SNCAIP: variants seen among roughly 807,000 people sequenced by gnomAD.
SNCAIP encodes the protein synuclein alpha interacting protein.
In SNCAIP, 43 loss-of-function variants were observed where a neutral mutation model predicts 86.7. That is an observed-to-expected ratio of 0.50 (90% CI 0.39 to 0.64). The LOEUF is 0.64. Ranked by LOEUF, SNCAIP falls within the 30% of genes least tolerant of loss-of-function variation. The pLI, the probability that SNCAIP is intolerant of heterozygous loss-of-function variation, is 0.00. For missense variants in SNCAIP, 981 were observed against 1,103.1 expected (o/e 0.89, Z 1.57); for synonymous variants, 417 against 427.2 (o/e 0.98, Z 0.29).
At chr5:122,450,412 C>A in intron 9 of SNCAIP, 121 bp from the exon 10 acceptor site, 1 of 799,878 alleles carries the variant, frequency 1.3e-6, no homozygotes, top group Non-Finnish European at 2.2e-6. Context: ...AAATTATGTA[C>A]TTATCTGTAT....
intron 1 of SNCAIP, among the ~76,000 whole-genome samples, chr5:122,346,532 C>T (rs1295875633): frequency 6.6e-6 from 1 of 151,800 alleles, no homozygotes; most frequent in African/African-American, 2.4e-5. Context: ...TTTGCAAAAG[C>T]GAAATAAAAC....
At chr5:122,445,855 A>G (rs1354616375) in intron 8 of SNCAIP, among the ~76,000 whole-genome samples, 2 of 151,748 alleles carry the variant, frequency 1.3e-5, no homozygotes, top group Non-Finnish European at 2.9e-5. Flanking sequence ...AAGCTTAGGG[A>G]AATGTCCCTT....
At chr5:122,458,776 C>T (rs902323981) in intron 10 of SNCAIP, among the ~76,000 whole-genome samples, 1 of 152,182 alleles carries the variant, frequency 6.6e-6, no homozygotes, top group African/African-American at 2.4e-5. Context: ...TCAGGGAGAT[C>T]ATAATCAAGA....
In SNCAIP at chr5:122,444,651, T is replaced by C; in HGVS notation, c.1511T>C (p.Leu504Pro). Residue 504 changes from leucine (L) to proline (P), a missense_variant, in exon 8 of 11, where the codon CTG becomes CCG. Physicochemically the swap from Leu to Pro is moderately conservative, Grantham distance 98. Coordinates refer to ENST00000261368, the MANE Select transcript of SNCAIP (RefSeq NM_005460.4). Reference sequence around the variant, plus strand: ...AGCGCCGAGCGGCAGGGGCACACCCTGTGCTCCAGGTACCTGGTGGTGGTG... The same window carrying C: ...AGCGCCGAGCGGCAGGGGCACACCCCGTGCTCCAGGTACCTGGTGGTGGTG... ...SQSAERQGHT[L>P]CSRYLVVVET... The C allele has an allele frequency of 1.2e-6, 2 of 1,614,070 alleles. No individual in the cohort carries two copies. Among genetic ancestry groups the C allele is most frequent in the Non-Finnish European group, 8.5e-7 (1 of 1,179,912 alleles).
intron 1 of SNCAIP, among the ~76,000 whole-genome samples, chr5:122,366,770 G>A (rs981345283): frequency 4.6e-5 from 7 of 152,072 alleles, no homozygotes; most frequent in East Asian, 1.9e-4. Flanking sequence ...ACGGAGTTGC[G>A]GCCATCTTCC....
At chr5:122,414,333 C>A (rs749672505) in intron 3 of SNCAIP, among the ~76,000 whole-genome samples, 3 of 151,368 alleles carry the variant, frequency 2.0e-5, no homozygotes, top group African/African-American at 7.3e-5. Context: ...CAAGTTCAAG[C>A]GATTCTCCTG....
intron 1 of SNCAIP, among the ~76,000 whole-genome samples, chr5:122,366,830 GCC>G (rs1429826111): frequency 6.6e-6 from 1 of 152,120 alleles, no homozygotes; most frequent in African/African-American, 2.4e-5. Flanking sequence ...GAAGTGGCAA[GCC>G]CATATTTGTA....
At chr5:122,389,479 CAGT>C (rs1768884166) in intron 1 of SNCAIP, 1 of 152,178 alleles carries the variant, frequency 6.6e-6, no homozygotes. Flanking sequence ...GAATCCATCA[CAGT>C]AGGAGAGAAT....
intron 7 of SNCAIP, chr5:122,443,954 T>C (rs1030392155): frequency 2.5e-6 from 1 of 402,094 alleles, no homozygotes; most frequent in Non-Finnish European, 4.9e-6. Context: ...AAAGAGGTGA[T>C]AAGAAGCTCA....
At chr5:122,348,709 A>G (rs1759145438) in intron 1 of SNCAIP, among the ~76,000 whole-genome samples, 1 of 152,158 alleles carries the variant, frequency 6.6e-6, no homozygotes. Flanking sequence ...AATTGGACCA[A>G]TGAACAATTG....
chr5:122,324,296 A>G (rs187465808), intron 1 of SNCAIP, among the ~76,000 whole-genome samples: 51 of 152,278 alleles, frequency 3.3e-4, no homozygotes, highest in Admixed American at 2.4e-3. Context: ...ACCTGGATAG[A>G]ATTAGGGAAG....
chr5:122,331,422 C>G (rs1056469606), intron 1 of SNCAIP, among the ~76,000 whole-genome samples: 3 of 152,116 alleles, frequency 2.0e-5, no homozygotes, highest in Admixed American at 1.3e-4. Context: ...TATAATTAGT[C>G]TCTACATATT....
chr5:122,391,186 A>G lies in SNCAIP; in HGVS notation c.52A>G (p.Ile18Val). The G allele has an allele frequency of 6.2e-7, 1 of 1,603,684 alleles. No homozygotes were observed. Among genetic ancestry groups the G allele is most frequent in the Non-Finnish European group, 8.5e-7 (1 of 1,170,588 alleles). Residue 18 changes from isoleucine to valine, a missense_variant, in exon 2 of 11, where the codon ATA becomes GTA. By Grantham distance (29) the Ile-to-Val change is conservative. Transcript: ENST00000261368. ...DLDEIDFSDD[I>V]SYSVTSLKTI... ...GGATGAAATTGACTTTAGTGATGACATATCTGTAAGTACCACTGTATACAA... is the reference window on the plus strand; with the variant it reads ...GGATGAAATTGACTTTAGTGATGACGTATCTGTAAGTACCACTGTATACAA...
chr5:122,312,911 T>A (rs1471318104), intron 1 of SNCAIP: 1 of 152,222 alleles, frequency 6.6e-6, no homozygotes, highest in Non-Finnish European at 1.5e-5. Context: ...ATGACTTTCA[T>A]CTGCAGGTGG....
chr5:122,380,832 T>G (rs1187570763), intron 1 of SNCAIP, among the ~76,000 whole-genome samples: 3 of 152,208 alleles, frequency 2.0e-5, no homozygotes, highest in Non-Finnish European at 4.4e-5. Flanking sequence ...TTGTTCAGTT[T>G]CCATGTAGTT....
At chr5:122,404,966 A>G (rs887881870) in intron 3 of SNCAIP, among the ~76,000 whole-genome samples, 3 of 152,192 alleles carry the variant, frequency 2.0e-5, no homozygotes, top group African/African-American at 7.2e-5. Flanking sequence ...TTTCAGTTCA[A>G]ATAAAAGCTT....
At chr5:122,417,484 A>C (rs180903917) in intron 3 of SNCAIP, among the ~76,000 whole-genome samples, 1 of 152,330 alleles carries the variant, frequency 6.6e-6, no homozygotes, top group Admixed American at 6.5e-5. Flanking sequence ...AAAGTGTTTT[A>C]ATATGCAGCA....
At chr5:122,339,401 A>C (rs1252712389) in intron 1 of SNCAIP, among the ~76,000 whole-genome samples, 1 of 152,232 alleles carries the variant, frequency 6.6e-6, no homozygotes, top group Admixed American at 6.5e-5. Context: ...AATAGAATCA[A>C]AACCATCTTT....
Position 122,451,208 on chromosome 5 carries a change from T to C in SNCAIP, c.2361T>C (p.Ala787=), listed in dbSNP as rs1010797630. 4 of 1,613,992 alleles carry C rather than the reference T, an allele frequency of 2.5e-6. No individual in the cohort carries two copies. The highest frequency in any genetic ancestry group is 1.7e-5 in the Admixed American group (1 of 59,994). The change falls in exon 10 of 11, where the codon GCT becomes GCC. Residue 787 remains alanine, a synonymous_variant. Transcript: ENST00000261368. ...DPQQPSPDST[A]AQKVATSPKS... is the part of the protein sequence containing the mutation. ...AGCAGCCCAGCCCTGACAGTACTGCTGCCCAGAAAGTTGCCACAAGTCCCA... is the reference window on the plus strand; with the variant it reads ...AGCAGCCCAGCCCTGACAGTACTGCCGCCCAGAAAGTTGCCACAAGTCCCA...
Sources: allele counts gnomAD v4.1 joint callset (sites outside exome capture counted in the v4.1 genomes callset), GRCh38; gene constraint gnomAD v4.1.1; transcripts MANE v1.5; gene names NCBI Gene and HGNC (gene_info 2026-07-23, HGNC 2026-07-21).